GULP1: variants seen among roughly 807,000 people sequenced by gnomAD.
GULP1 encodes GULP PTB domain containing engulfment adaptor 1.
GULP1 carries 19 observed loss-of-function variants against 40.9 expected under a neutral mutation model. The ratio of observed to expected loss-of-function variants is 0.46; its 90% CI spans 0.32 to 0.68. GULP1 has a LOEUF of 0.68. GULP1 is among the 30% of genes least tolerant of loss of function. The pLI, the probability that GULP1 is intolerant of heterozygous loss-of-function variation, is 0.03. For missense variants in GULP1, 312 were observed against 362.2 expected (o/e 0.86, Z 1.12); for synonymous variants, 119 against 117.6 (o/e 1.01, Z -0.08).
At chr2:188,387,779 T>G (rs540243062) in intron 2 of GULP1, among the ~76,000 whole-genome samples, 2 of 152,158 alleles carry the variant, frequency 1.3e-5, no homozygotes, top group Non-Finnish European at 2.9e-5. Context: ...GTGATTTGGA[T>G]TCTTATAACT....
At chr2:188,545,524 C>T (rs556673070) in intron 7 of GULP1, among the ~76,000 whole-genome samples, 150 of 151,760 alleles carry the variant, frequency 9.9e-4, no homozygotes, top group African/African-American at 3.4e-3. Flanking sequence ...CGCTGGGTAA[C>T]TATGATAAGT....
intron 2 of GULP1, among the ~76,000 whole-genome samples, chr2:188,386,294 C>G (rs1404064039): frequency 6.6e-6 from 1 of 152,116 alleles, no homozygotes; most frequent in Non-Finnish European, 1.5e-5. Flanking sequence ...TAAACCCACT[C>G]ACTATCATGA....
intron 4 of GULP1, among the ~76,000 whole-genome samples, chr2:188,516,853 T>A (rs2065226791): frequency 6.6e-6 from 1 of 152,200 alleles, no homozygotes; most frequent in Non-Finnish European, 1.5e-5. Flanking sequence ...TTGCACTCTC[T>A]GTTTCCTTTC....
At chr2:188,481,525 A>G (rs1432808717) in intron 3 of GULP1, among the ~76,000 whole-genome samples, 2 of 151,966 alleles carry the variant, frequency 1.3e-5, no homozygotes, top group Admixed American at 6.6e-5. Context: ...ACTGGAATTT[A>G]ATATTGTGAT....
chr2:188,572,677 A>G (rs990274424), intron 9 of GULP1, among the ~76,000 whole-genome samples: 11 of 152,136 alleles, frequency 7.2e-5, no homozygotes, highest in African/African-American at 2.7e-4. Flanking sequence ...GATTTTTTAA[A>G]TTGTTGATAT....
chr2:188,392,438 G>A (rs900687582), intron 2 of GULP1, among the ~76,000 whole-genome samples: 1 of 151,694 alleles, frequency 6.6e-6, no homozygotes, highest in Non-Finnish European at 1.5e-5. Flanking sequence ...CAGTGTTGTT[G>A]GTTATAATGT....
chr2:188,307,427 T>G (rs922606618), intron 1 of GULP1, among the ~76,000 whole-genome samples: 3 of 149,060 alleles, frequency 2.0e-5, no homozygotes, highest in Admixed American at 6.7e-5. Flanking sequence ...GAGATACATC[T>G]CCTTTTTCGA....
intron 11 of GULP1, chr2:188,590,396 A>G (rs1276118648): frequency 6.6e-6 from 1 of 152,210 alleles, no homozygotes; most frequent in East Asian, 1.9e-4. Context: ...TAATGAATCT[A>G]ATGCAGACAT....
chr2:188,458,156 C>T (rs1257450655), intron 2 of GULP1, among the ~76,000 whole-genome samples: 2 of 152,150 alleles, frequency 1.3e-5, no homozygotes, highest in East Asian at 1.9e-4. Flanking sequence ...GTCAGCCTTC[C>T]CTTCTCTTAT....
chr2:188,489,233 G>A (rs997252681), intron 4 of GULP1, among the ~76,000 whole-genome samples: 2 of 151,992 alleles, frequency 1.3e-5, no homozygotes, highest in Non-Finnish European at 2.9e-5. Flanking sequence ...CTCTGTAATC[G>A]ATGAGATGCC....
At chr2:188,462,900 T>C (rs192999600) in intron 2 of GULP1, among the ~76,000 whole-genome samples, 75 of 152,286 alleles carry the variant, frequency 4.9e-4, no homozygotes, top group African/African-American at 1.6e-3. Context: ...TTAAAACTTA[T>C]AAAGACTTGA....
chr2:188,354,109 C>A (rs556645472), intron 1 of GULP1, among the ~76,000 whole-genome samples: 21 of 152,142 alleles, frequency 1.4e-4, no homozygotes, highest in African/African-American at 5.1e-4. Flanking sequence ...GCTCTTTGCT[C>A]CCCAGGGCCC....
intron 1 of GULP1, among the ~76,000 whole-genome samples, chr2:188,334,865 A>G (rs1050904187): frequency 2.0e-5 from 3 of 152,228 alleles, no homozygotes; most frequent in African/African-American, 7.2e-5. Context: ...GAAACTTATT[A>G]AAAGGAATCT....
chr2:188,522,477 A>G (rs1350577619), intron 4 of GULP1, among the ~76,000 whole-genome samples: 2 of 152,090 alleles, frequency 1.3e-5, no homozygotes, highest in African/African-American at 4.8e-5. Flanking sequence ...GGGCCTAATA[A>G]AATAACTTTA....
chr2:188,318,087 A>T lies in GULP1; in HGVS notation c.-172+25921A>T, dbSNP rs1435417686. On this transcript the variant is annotated intron_variant, in intron 1 of 11. Transcript: ENST00000409830. ...GGATGAAATAACTGATTTCCTTCTA[A>T]TTAATTTTTGCTCCATAAAATGATA... is the stretch of plus-strand genomic sequence containing the variant. 3.3e-5 allele frequency among the ~76,000 whole-genome samples: 5 copies of T among 150,826 alleles called. No individual in the cohort carries two copies. The South Asian group carries it at 1.1e-3, about 32-fold the overall frequency.
At chr2:188,428,832 T>A (rs777844931) in intron 2 of GULP1, among the ~76,000 whole-genome samples, 8 of 152,148 alleles carry the variant, frequency 5.3e-5, no homozygotes, top group Non-Finnish European at 1.0e-4. Context: ...AGAAAAGTAA[T>A]CTTTGTTGTT....
chr2:188,369,480 AC>A (rs1294123027), intron 1 of GULP1, among the ~76,000 whole-genome samples: 4 of 152,020 alleles, frequency 2.6e-5, no homozygotes, highest in African/African-American at 9.7e-5. Flanking sequence ...CTTTAAGAGA[AC>A]CCGGGGAAGA....
intron 2 of GULP1, among the ~76,000 whole-genome samples, chr2:188,459,139 A>C (rs2059502313): frequency 6.6e-6 from 1 of 152,184 alleles, no homozygotes; most frequent in Admixed American, 6.5e-5. Context: ...TATTGTGAAC[A>C]GAGCTGCAAC....
At chr2:188,323,359 C>T (rs2040271834) in intron 1 of GULP1, among the ~76,000 whole-genome samples, 1 of 151,838 alleles carries the variant, frequency 6.6e-6, no homozygotes, top group African/African-American at 2.4e-5. Flanking sequence ...AGATCTGTTC[C>T]CTTTGTAACT....
Sources: gnomAD v4.1 joint callset for allele counts (sites outside exome capture counted in the v4.1 genomes callset) on GRCh38, gnomAD v4.1.1 for gene constraint, MANE v1.5 for transcripts, NCBI Gene and HGNC (gene_info 2026-07-23, HGNC 2026-07-21) for gene names.